Variants in PAK2 observed in about 807,000 individuals in gnomAD.
The protein encoded by PAK2 is p21 (RAC1) activated kinase 2.
In PAK2, 21 loss-of-function variants were observed where a neutral mutation model predicts 65.9. That is an observed-to-expected ratio of 0.32 (90% CI 0.23 to 0.46). PAK2 has a LOEUF of 0.46. Among genes scored for constraint, PAK2 ranks in the 20% least tolerant of loss-of-function variants. PAK2 has a pLI of 1.00. For missense variants in PAK2, 324 were observed against 642.6 expected, an observed-to-expected ratio of 0.50 and a Z score of 5.36; for synonymous variants, 204 against 219.7, an observed-to-expected ratio of 0.93 and a Z score of 0.63.
chr3:196,803,159 C>T lies in PAK2; in HGVS notation c.431C>T (p.Pro144Leu). The change falls in exon 4 of 15, where the codon CCT becomes CTT. Residue 144 changes from proline (P) to leucine (L), a missense_variant. By Grantham distance (98) the Pro-to-Leu change is moderately conservative. Coordinates refer to ENST00000327134, the MANE Select transcript of PAK2 (RefSeq NM_002577.4). The part of the protein sequence containing the change: ...TVKQKYLSFT[P>L]PEKDGFPSGT... ...AAGCAGAAATATCTGAGCTTTACTCCTCCTGGTAAGAGAGTGGCATAAGGC... is the reference window on the plus strand; with the variant it reads ...AAGCAGAAATATCTGAGCTTTACTCTTCCTGGTAAGAGAGTGGCATAAGGC... The T allele has an allele frequency of 6.2e-7, 1 of 1,606,202 alleles. No homozygotes were observed. Among genetic ancestry groups the T allele is most frequent in the Non-Finnish European group, 8.5e-7 (1 of 1,176,842 alleles).
rs191669741 is a variant in PAK2, at chr3:196,811,082, G to T, written c.773+429G>T. Among the ~76,000 whole-genome samples the T allele has an allele frequency of 5.1e-3, 772 of 151,820 alleles. 6 individuals are homozygous for T. The highest frequency in any genetic ancestry group is 9.1e-3 in the Non-Finnish European group (617 of 67,920). On this transcript the variant is annotated intron_variant, in intron 8 of 14. Transcript: ENST00000327134. ...TATACTAACTAAACTCCTTTTTTCT[G>T]TTGCTTGGAAGCAAATAAACACCTA...
At chr3:196,813,726 T>G (rs1397121532) in intron 10 of PAK2, among the ~76,000 whole-genome samples, 1 of 151,980 alleles carries the variant, frequency 6.6e-6, no homozygotes, top group Non-Finnish European at 1.5e-5. Flanking sequence ...CCGAGGCAGG[T>G]GGATCACCAG....
chr3:196,806,724 C>G, intron 6 of PAK2, 38 bp downstream of exon 6: 1 of 1,177,986 alleles, frequency 8.5e-7, no homozygotes, highest in Non-Finnish European at 1.3e-6. Context: ...TGTGTGTGCA[C>G]GTGTGTTTTA....
intron 2 of PAK2, among the ~76,000 whole-genome samples, chr3:196,795,147 A>G (rs563986945): frequency 6.6e-6 from 1 of 152,252 alleles, no homozygotes; most frequent in African/African-American, 2.4e-5. Flanking sequence ...GGCTTACTGT[A>G]ATCAAATTGT....
chr3:196,788,460 A>C (rs1714966632), intron 2 of PAK2, among the ~76,000 whole-genome samples: 1 of 152,186 alleles, frequency 6.6e-6, no homozygotes, highest in South Asian at 2.1e-4. Flanking sequence ...TCACCAAAAA[A>C]CTCGAAAATT....
chr3:196,765,044 C>G (rs551722388), intron 1 of PAK2, among the ~76,000 whole-genome samples: 238 of 151,440 alleles, frequency 1.6e-3, no homozygotes, highest in African/African-American at 5.2e-3. Context: ...CGAGGTTTCA[C>G]CGTGTTAGCC....
chr3:196,773,692 A>T (rs970756949), intron 1 of PAK2, among the ~76,000 whole-genome samples: 12 of 152,036 alleles, frequency 7.9e-5, no homozygotes, highest in Non-Finnish European at 1.5e-4. Flanking sequence ...CCTGACCAAT[A>T]TAGTGAAACC....
intron 2 of PAK2, among the ~76,000 whole-genome samples, chr3:196,796,929 A>G (rs907404668): frequency 5.3e-5 from 8 of 152,250 alleles, no homozygotes; most frequent in African/African-American, 1.9e-4. Flanking sequence ...CAGCTTCAAA[A>G]TTCACAAAGC....
chr3:196,742,212 C>CTGAG (rs1260469086), intron 1 of PAK2, among the ~76,000 whole-genome samples: 2 of 150,488 alleles, frequency 1.3e-5, no homozygotes, highest in Non-Finnish European at 2.9e-5. Context: ...TCTCAGCCTG[C>CTGAG]TGAGTAGCTG....
At chr3:196,753,181 TCTC>T (rs1264694588) in intron 1 of PAK2, among the ~76,000 whole-genome samples, 1 of 151,778 alleles carries the variant, frequency 6.6e-6, no homozygotes, top group Non-Finnish European at 1.5e-5. Flanking sequence ...ATGGTCTCGA[TCTC>T]CTGACCTCGT....
chr3:196,797,892 T>G (rs932665165), intron 2 of PAK2, among the ~76,000 whole-genome samples: 25 of 152,210 alleles, frequency 1.6e-4, no homozygotes, highest in Admixed American at 1.2e-3. Context: ...AATAAAAAGA[T>G]ATTTAGAAAA....
chr3:196,820,292 T>C lies in PAK2; in HGVS notation c.1154-79T>C. 1 of 711,528 alleles carries C rather than the reference T, an allele frequency of 1.4e-6. No individual in the cohort carries two copies. The highest frequency in any genetic ancestry group is 2.9e-5 in the East Asian group (1 of 34,634). The allele number at this position is 711,528 out of a possible 1,614,324, so 44.1% of individuals were successfully genotyped here. Reference sequence around the variant, plus strand: ...AGAGGCCTAATAGTCAAAATATAATTAATTACATAATCTGAAGTGAACTCT... The same window carrying C: ...AGAGGCCTAATAGTCAAAATATAATCAATTACATAATCTGAAGTGAACTCT... On this transcript the variant is annotated intron_variant, in intron 12 of 14. Transcript: ENST00000327134. This position sits in a 1 kb window ranked among gnomAD's most constrained non-coding sequence, Gnocchi z 4.6.
chr3:196,750,645 G>A (rs1249043030), intron 1 of PAK2, among the ~76,000 whole-genome samples: 2 of 149,496 alleles, frequency 1.3e-5, no homozygotes, highest in African/African-American at 2.5e-5. Flanking sequence ...TTTTTGTTGT[G>A]TCTTTTTAAA....
chr3:196,781,666 G>T (rs1446704646), intron 1 of PAK2, among the ~76,000 whole-genome samples: 1 of 152,222 alleles, frequency 6.6e-6, no homozygotes, highest in Non-Finnish European at 1.5e-5. Context: ...TATCAGCAGT[G>T]CATTGTTTCA....
chr3:196,749,764 A>G (rs1054741976), intron 1 of PAK2, among the ~76,000 whole-genome samples: 6 of 152,066 alleles, frequency 3.9e-5, no homozygotes, highest in Admixed American at 2.6e-4. Flanking sequence ...CTTTTCCAGC[A>G]TGTCATGTTA....
chr3:196,819,533 C>T (rs1711585862), intron 12 of PAK2, among the ~76,000 whole-genome samples: 1 of 152,074 alleles, frequency 6.6e-6, no homozygotes, highest in African/African-American at 2.4e-5. Context: ...TACAGAGTAT[C>T]CTGATTGGTA....
intron 1 of PAK2, among the ~76,000 whole-genome samples, chr3:196,780,882 G>A (rs1007815196): frequency 2.0e-5 from 3 of 151,996 alleles, no homozygotes; most frequent in Non-Finnish European, 4.4e-5. Flanking sequence ...TCTGCCTCCC[G>A]GGTTCACGCC....
At chr3:196,826,392 T>C (rs530145596) in intron 13 of PAK2, among the ~76,000 whole-genome samples, 1 of 151,908 alleles carries the variant, frequency 6.6e-6, no homozygotes, top group South Asian at 2.1e-4. Flanking sequence ...CAGGATGCTC[T>C]CAATCTCCTG....
intron 1 of PAK2, among the ~76,000 whole-genome samples, chr3:196,770,898 C>T (rs1367578567): frequency 6.6e-6 from 1 of 152,036 alleles, no homozygotes; most frequent in African/African-American, 2.4e-5. Context: ...GCTGGGATTA[C>T]AGGCATGAGC....
Sources: gnomAD v4.1 joint callset for allele counts (sites outside exome capture counted in the v4.1 genomes callset) on GRCh38, gnomAD v4.1.1 for gene constraint, Gnocchi (gnomAD v3.1) non-coding constraint, MANE v1.5 for transcripts, NCBI Gene and HGNC (gene_info 2026-07-23, HGNC 2026-07-21) for gene names.